ELAVL2: variants seen among roughly 807,000 people sequenced by gnomAD.
ELAVL2 encodes the protein ELAV-like protein 2.
Under a neutral mutation model 34.6 loss-of-function variants are expected in ELAVL2, and 4 were observed. The ratio of observed to expected loss-of-function variants is 0.12; its 90% CI spans 0.06 to 0.26. The LOEUF (loss-of-function observed/expected upper bound fraction) is 0.26. Ranked by LOEUF, ELAVL2 falls within the 10% of genes least tolerant of loss-of-function variation. The probability of loss-of-function intolerance (pLI) is 1.00; values close to 1 mark genes in which losing one functional copy is unlikely to be tolerated. For synonymous variants in ELAVL2, 193 were observed against 154.8 expected, an observed-to-expected ratio of 1.25 and a Z score of -1.83; for missense variants, 432 against 442.8, an observed-to-expected ratio of 0.98 and a Z score of 0.22.
the ELAVL2 span, among the ~76,000 whole-genome samples, chr9:23,850,184 G>C: frequency 2.6e-5 from 4 of 151,762 alleles, no homozygotes; most frequent in Non-Finnish European, 5.9e-5. Context: ...AGGGGAAATT[G>C]ATCCAAGCCG....
upstream of ELAVL2, among the ~76,000 whole-genome samples, chr9:23,827,570 G>A (rs529168266): frequency 2.0e-5 from 3 of 152,216 alleles, no homozygotes; most frequent in Non-Finnish European, 2.9e-5. Context: ...CATTACACAT[G>A]TAATGTGTCT....
chr9:23,787,621 G>C lies in ELAVL2; in HGVS notation c.-15-25372C>G, dbSNP rs569148004. On this transcript the variant is annotated intron_variant, in intron 1 of 6. Coordinates refer to ENST00000397312, the MANE Select transcript of ELAVL2 (RefSeq NM_004432.5). ...AGAACTCACAAAACCTGCCAATGTG[G>C]GTCTAACAAACTCCAGAGCCCATGC... Among the ~76,000 whole-genome samples, 188 of 151,870 alleles carry C rather than the reference G, an allele frequency of 1.2e-3. 1 individual carries two copies. The highest frequency in any genetic ancestry group is 4.4e-3 in the African/African-American group (182 of 41,396).
intron 1 of ELAVL2, among the ~76,000 whole-genome samples, chr9:23,817,163 C>G (rs2063830994): frequency 6.6e-6 from 1 of 151,816 alleles, no homozygotes; most frequent in African/African-American, 2.4e-5. Context: ...CATGTCAGAC[C>G]TTATCTCCTA....
chr9:23,753,132 G>C (rs757840294), intron 2 of ELAVL2, among the ~76,000 whole-genome samples: 1 of 152,120 alleles, frequency 6.6e-6, no homozygotes, highest in Non-Finnish European at 1.5e-5. Context: ...CCACTGTATA[G>C]ACCTGACAAA....
chr9:23,731,685 A>C (rs1236143252), intron 2 of ELAVL2, among the ~76,000 whole-genome samples: 1 of 152,142 alleles, frequency 6.6e-6, no homozygotes, highest in Non-Finnish European at 1.5e-5. Flanking sequence ...CTTCAAATAC[A>C]CTCAATCAAA....
chr9:23,840,977 C>T, the ELAVL2 span, among the ~76,000 whole-genome samples: 12 of 152,280 alleles, frequency 7.9e-5, no homozygotes, highest in East Asian at 1.9e-4. Context: ...CCACAAGTTA[C>T]TCACCATGAT....
intron 6 of ELAVL2, 140 bp downstream of exon 6, chr9:23,693,308 A>G (rs753171751): frequency 9.5e-7 from 1 of 1,049,648 alleles, no homozygotes; most frequent in South Asian, 1.6e-5. Flanking sequence ...TTGTGCTTCA[A>G]AGAGCAGCTT....
intron 3 of ELAVL2, among the ~76,000 whole-genome samples, chr9:23,714,967 C>A (rs1436541966): frequency 1.3e-5 from 2 of 152,142 alleles, no homozygotes; most frequent in African/African-American, 4.8e-5. Context: ...TTAAATACGG[C>A]CAGAGAACTA....
intron 1 of ELAVL2, among the ~76,000 whole-genome samples, chr9:23,797,317 C>T (rs1396603446): frequency 6.6e-6 from 1 of 152,184 alleles, no homozygotes; most frequent in African/African-American, 2.4e-5. Context: ...TTCTAAATAT[C>T]ATTAAACTGA....
intron 1 of ELAVL2, among the ~76,000 whole-genome samples, chr9:23,822,759 T>C (rs1019457735): frequency 6.6e-6 from 1 of 152,234 alleles, no homozygotes; most frequent in African/African-American, 2.4e-5. Flanking sequence ...TCACCTGTCA[T>C]ACCTACCTGA....
the ELAVL2 span, among the ~76,000 whole-genome samples, chr9:23,839,266 T>A: frequency 6.6e-6 from 1 of 151,936 alleles, no homozygotes; most frequent in Admixed American, 6.6e-5. Context: ...TTTTCAGATA[T>A]GAATGACGAC....
intron 3 of ELAVL2, among the ~76,000 whole-genome samples, chr9:23,723,431 G>A (rs1462209277): frequency 5.3e-5 from 8 of 152,082 alleles, no homozygotes; most frequent in Admixed American, 2.0e-4. Flanking sequence ...TGGGGACGGG[G>A]GAGGGATAGC....
chr9:23,790,007 C>A (rs1286538581), intron 1 of ELAVL2, among the ~76,000 whole-genome samples: 1 of 151,234 alleles, frequency 6.6e-6, no homozygotes, highest in Admixed American at 6.6e-5. Context: ...TTTCAAAGGG[C>A]TATAAATGCT....
chr9:23,824,670 C>A (rs1395227511), intron 1 of ELAVL2, among the ~76,000 whole-genome samples: 3 of 152,184 alleles, frequency 2.0e-5, no homozygotes, highest in African/African-American at 7.2e-5. Flanking sequence ...GAACATCCTC[C>A]CCCTTTCCCA....
chr9:23,804,903 T>C (rs2062022742), intron 1 of ELAVL2, among the ~76,000 whole-genome samples: 2 of 152,198 alleles, frequency 1.3e-5, no homozygotes, highest in South Asian at 4.1e-4. Context: ...TTCAACACTA[T>C]GGGTAGGGCC....
intron 3 of ELAVL2, among the ~76,000 whole-genome samples, chr9:23,718,333 T>G (rs148923706): frequency 6.6e-6 from 1 of 152,190 alleles, no homozygotes; most frequent in Admixed American, 6.5e-5. Context: ...TATCCAAGAT[T>G]TAGTGTTTTG....
chr9:23,740,009 A>G (rs1193117851), intron 2 of ELAVL2, among the ~76,000 whole-genome samples: 1 of 152,200 alleles, frequency 6.6e-6, no homozygotes, highest in African/African-American at 2.4e-5. Context: ...AGACTCTAAC[A>G]AACTCACCAA....
At chr9:23,710,617 A>T (rs186145733) in intron 3 of ELAVL2, among the ~76,000 whole-genome samples, 2 of 152,336 alleles carry the variant, frequency 1.3e-5, no homozygotes, top group Admixed American at 1.3e-4. Context: ...CAAACATTAA[A>T]CCTGAAAATT....
intron 5 of ELAVL2, among the ~76,000 whole-genome samples, chr9:23,695,510 T>C (rs2034845334): frequency 1.3e-5 from 2 of 152,128 alleles, no homozygotes; most frequent in South Asian, 4.1e-4. Flanking sequence ...CGTCAGGCCT[T>C]TTTTAACAAT....
Sources: allele counts gnomAD v4.1 joint callset (sites outside exome capture counted in the v4.1 genomes callset), GRCh38; gene constraint gnomAD v4.1.1; transcripts MANE v1.5; gene names NCBI Gene and HGNC (gene_info 2026-07-23, HGNC 2026-07-21).